Variants in RFX7 observed in about 807,000 individuals in gnomAD.
RFX7 encodes DNA-binding protein RFX7.
In RFX7, 26 loss-of-function variants were observed where a neutral mutation model predicts 111.8. That is an observed-to-expected ratio of 0.23 (90% CI 0.17 to 0.32). The LOEUF is 0.32. RFX7 is among the 10% of genes least tolerant of loss of function. The pLI, the probability that RFX7 is intolerant of heterozygous loss-of-function variation, is 1.00. For synonymous variants in RFX7, 624 were observed against 624.4 expected (o/e 1.00, Z 0.01); for missense variants, 1,573 against 1,772.9 (o/e 0.89, Z 2.02).
rs771484319 is a variant in RFX7 at position 56,094,685 on chromosome 15, G to C, written c.3043C>G (p.Pro1015Ala). The C allele has an allele frequency of 7.4e-6, 12 of 1,613,826 alleles. No individual in the cohort carries two copies. Among genetic ancestry groups the C allele is most frequent in the Non-Finnish European group, 1.0e-5 (12 of 1,179,890 alleles). The change falls in exon 10 of 10, where the codon CCC becomes GCC. Residue 1015 changes from proline (P) to alanine (A), a missense_variant. Pro to Ala is a conservative substitution (Grantham distance 27, BLOSUM62 -1). Coordinates refer to ENST00000559447, the MANE Select transcript of RFX7 (RefSeq NM_022841.7). ...GGATTCCTGCATTCAACAGGGCTGG[G>C]GGGGACACTACTGCTGCAGTTAGAA... ...PHSNCSSSVPPSPVECRNPFA... is the reference protein window; with the variant it reads ...PHSNCSSSVPASPVECRNPFA...
chr15:56,160,101 T>A (rs1316375561), intron 3 of RFX7, among the ~76,000 whole-genome samples: 1 of 152,194 alleles, frequency 6.6e-6, no homozygotes, highest in Non-Finnish European at 1.5e-5. Flanking sequence ...GGGGAAGGGC[T>A]GATGCTTATA....
intron 5 of RFX7, among the ~76,000 whole-genome samples, chr15:56,135,300 C>T (rs1203451660): frequency 1.1e-3 from 162 of 152,044 alleles, no homozygotes; most frequent in East Asian, 8.5e-3. Context: ...TTTTAATGAT[C>T]GCCATTCTAA....
chr15:56,217,097 C>A (rs1251276200), intron 2 of RFX7, among the ~76,000 whole-genome samples: 1 of 151,160 alleles, frequency 6.6e-6, no homozygotes, highest in Admixed American at 6.6e-5. Flanking sequence ...CCTATATTGA[C>A]CATTGTCAAA....
chr15:56,213,841 T>C (rs1160753684), intron 2 of RFX7, among the ~76,000 whole-genome samples: 1 of 152,236 alleles, frequency 6.6e-6, no homozygotes, highest in Non-Finnish European at 1.5e-5. Flanking sequence ...ACTCTAAAAC[T>C]ATCTTTTGTC....
Position 56,093,813 on chromosome 15 carries a change from G to A in RFX7, c.3915C>T (p.Ser1305=). The A allele has an allele frequency of 6.2e-7, 1 of 1,613,902 alleles. No homozygotes were observed. Among genetic ancestry groups the A allele is most frequent in the Non-Finnish European group, 8.5e-7 (1 of 1,179,856 alleles). Reference sequence around the variant, plus strand: ...GTGTTTGGAACTCATAAACAGAAGTGCTGGAATCGATCATATTTTGTGGGT... The same window carrying A: ...GTGTTTGGAACTCATAAACAGAAGTACTGGAATCGATCATATTTTGTGGGT... ...SANPQNMIDS[S]TSVYEFQTPS... Residue 1305 remains serine, a synonymous_variant, in exon 10 of 10, where the codon AGC becomes AGT. Transcript: ENST00000559447.
In RFX7 at chr15:56,148,379, C is replaced by T. The variant is rs202161915; in HGVS notation, c.196-3896G>A. ...CACAACAATGCTACAAACTTAATGA[C>T]GATTGAGATGGTACTTTGACCTTTC... On this transcript the variant is annotated intron_variant, in intron 3 of 9. Coordinates refer to ENST00000559447, the MANE Select transcript of RFX7 (RefSeq NM_022841.7). Among the ~76,000 whole-genome samples, 11 of 152,124 alleles carry T rather than the reference C, an allele frequency of 7.2e-5. No homozygotes were observed. In the East Asian group the frequency reaches 7.7e-4, roughly 11 times the overall value.
At chr15:56,141,382 A>C (rs2042390731) in intron 5 of RFX7, among the ~76,000 whole-genome samples, 1 of 151,920 alleles carries the variant, frequency 6.6e-6, no homozygotes, top group East Asian at 1.9e-4. Context: ...ACAAACAAAC[A>C]AACAAACAAA....
intron 5 of RFX7, among the ~76,000 whole-genome samples, chr15:56,137,782 T>C (rs1285209053): frequency 6.6e-6 from 1 of 152,130 alleles, no homozygotes; most frequent in Non-Finnish European, 1.5e-5. Context: ...ACACACTGCT[T>C]TGAATGCGTC....
At chr15:56,147,395 C>T (rs776710935) in intron 3 of RFX7, among the ~76,000 whole-genome samples, 48 of 152,082 alleles carry the variant, frequency 3.2e-4, no homozygotes, top group Non-Finnish European at 5.7e-4. Flanking sequence ...TCCCTAGGGA[C>T]AGAAAGCAGC....
intron 5 of RFX7, among the ~76,000 whole-genome samples, chr15:56,114,806 A>G (rs114025185): frequency 0.02 from 3,076 of 152,224 alleles, 104 homozygotes; most frequent in African/African-American, 0.069. Context: ...GTCATGGTGA[A>G]TCATGATTCA....
intron 5 of RFX7, among the ~76,000 whole-genome samples, chr15:56,124,044 G>A (rs528981882): frequency 2.0e-4 from 30 of 152,128 alleles, no homozygotes; most frequent in Non-Finnish European, 3.8e-4. Context: ...TGTGTGTGTA[G>A]ATAATTGTTA....
Position 56,095,945 on chromosome 15 carries a change from C to A in RFX7, c.1783G>T (p.Val595Phe), listed in dbSNP as rs1316119831. ...TTACATTTGGTCCTCTGGTCACAGA[C>A]CTTAGTTGCTTTTATTTCAATGACA... ...EGVIEIKATK[V>F]CDQRTKCKSR... Residue 595 changes from valine to phenylalanine, a missense_variant, in exon 10 of 10, where the codon GTC (valine) becomes TTC (phenylalanine). Physicochemically the swap from Val to Phe is conservative, Grantham distance 50. Coordinates refer to ENST00000559447, the MANE Select transcript of RFX7 (RefSeq NM_022841.7). 3 of 1,607,644 alleles carry A rather than the reference C, an allele frequency of 1.9e-6. No individual in the cohort carries two copies. The highest frequency in any genetic ancestry group is 2.2e-5 in the South Asian group (2 of 91,036).
At chr15:56,126,281 T>C (rs1238905820) in intron 5 of RFX7, among the ~76,000 whole-genome samples, 1 of 152,234 alleles carries the variant, frequency 6.6e-6, no homozygotes, top group East Asian at 1.9e-4. Context: ...GGGTAGCATT[T>C]ATTTAAGAAT....
Position 56,087,446 on chromosome 15 carries a change from A to G in RFX7, c.*5899T>C. ...ATGTGTCTTTAACATGAAGTCCAGG[A>G]GGGCTGCTTGAGTTCTAGCCATCAC... On this transcript the variant is annotated 3_prime_UTR_variant, in exon 10 of 10. Transcript: ENST00000559447. The G allele has an allele frequency of 2.2e-6, 1 of 456,682 alleles. No individual in the cohort carries two copies. Among genetic ancestry groups the G allele is most frequent in the South Asian group, 1.5e-5 (1 of 64,562 alleles). The allele number at this position is 456,682 out of a possible 1,614,324, so 28.3% of individuals were successfully genotyped here.
rs1245602935 is a variant in RFX7 at position 56,087,474 on chromosome 15, T to C, written c.*5871A>G. ...GCTGCTTGAGTTCTAGCCATCACAT[T>C]TGCATTCCAGCCAGCAGAGAGGAAG... On this transcript the variant is annotated 3_prime_UTR_variant, in exon 10 of 10. Coordinates refer to ENST00000559447, the MANE Select transcript of RFX7 (RefSeq NM_022841.7). 4 of 456,686 alleles carry C rather than the reference T, an allele frequency of 8.8e-6. No individual in the cohort carries two copies. In the Admixed American group the frequency reaches 9.4e-5, roughly 11 times the overall value. 28.3% of individuals were successfully genotyped at this position (456,686 alleles called of 1,614,324 possible). A position where few individuals can be genotyped will look rare whatever the true frequency, so the allele number is the denominator to read the frequency against.
chr15:56,170,603 C>T (rs751948727), intron 3 of RFX7, among the ~76,000 whole-genome samples: 35 of 152,004 alleles, frequency 2.3e-4, no homozygotes, highest in Admixed American at 2.1e-3. Context: ...AAGCACTGTT[C>T]GAGATCTCTG....
intron 5 of RFX7, among the ~76,000 whole-genome samples, chr15:56,137,465 C>A (rs953880438): frequency 6.6e-6 from 1 of 151,950 alleles, no homozygotes; most frequent in Non-Finnish European, 1.5e-5. Flanking sequence ...GGTGATATCC[C>A]CTTTATCATT....
chr15:56,180,309 A>G (rs1363219186), intron 2 of RFX7, among the ~76,000 whole-genome samples: 3 of 152,216 alleles, frequency 2.0e-5, no homozygotes, highest in African/African-American at 7.2e-5. Flanking sequence ...AAACAATAAA[A>G]TATGACTGGA....
chr15:56,165,814 T>C (rs1406268243), intron 3 of RFX7, among the ~76,000 whole-genome samples: 3 of 152,190 alleles, frequency 2.0e-5, no homozygotes, highest in Non-Finnish European at 4.4e-5. Flanking sequence ...GAAAATAAGA[T>C]GGTACACTCT....
Sources: allele counts gnomAD v4.1 joint callset (sites outside exome capture counted in the v4.1 genomes callset), GRCh38; gene constraint gnomAD v4.1.1; transcripts MANE v1.5; gene names NCBI Gene and HGNC (gene_info 2026-07-23, HGNC 2026-07-21).